KCNK10: variants seen among roughly 807,000 people sequenced by gnomAD.
KCNK10 encodes potassium two pore domain channel subfamily K member 10.
KCNK10 carries 25 observed loss-of-function variants against 47.7 expected under a neutral mutation model. That is an observed-to-expected ratio of 0.52 (90% CI 0.38 to 0.73). The LOEUF is 0.73. Ranked by LOEUF, KCNK10 falls within the 30% of genes least tolerant of loss-of-function variation. The pLI is 0.00. For missense variants in KCNK10, 563 were observed against 714.5 expected, an observed-to-expected ratio of 0.79 and a Z score of 2.42; for synonymous variants, 303 against 285.6, an observed-to-expected ratio of 1.06 and a Z score of -0.61.
chr14:88,247,554 C>T (rs1886680299), intron 2 of KCNK10, among the ~76,000 whole-genome samples: 1 of 152,194 alleles, frequency 6.6e-6, no homozygotes, highest in Admixed American at 6.5e-5. Flanking sequence ...AGCCAGGCAG[C>T]AAGTTTTCAT....
At chr14:88,225,076 G>T (rs955595478) in intron 4 of KCNK10, among the ~76,000 whole-genome samples, 2 of 152,176 alleles carry the variant, frequency 1.3e-5, no homozygotes, top group Non-Finnish European at 2.9e-5. Context: ...AGCTTTGTTA[G>T]CTTATACAAT....
chr14:88,270,681 C>T (rs2139762411), intron 1 of KCNK10: 1 of 780,686 alleles, frequency 1.3e-6, no homozygotes, highest in South Asian at 1.3e-5. Flanking sequence ...TGCCTGCCAC[C>T]TCATCTCACA....
intron 5 of KCNK10, among the ~76,000 whole-genome samples, chr14:88,191,281 A>AC (rs996160842): frequency 1.1e-3 from 160 of 151,346 alleles, no homozygotes; most frequent in Admixed American, 1.8e-3. Context: ...AAAAACAAAA[A>AC]AAAACAGTCT....
At chr14:88,307,203 T>C (rs563263505) in intron 1 of KCNK10, among the ~76,000 whole-genome samples, 83 of 152,210 alleles carry the variant, frequency 5.5e-4, no homozygotes, top group Non-Finnish European at 9.6e-4. Context: ...CAGCCTCAGT[T>C]TCCTCATCTT....
At chr14:88,297,131 T>C (rs1888002045) in intron 1 of KCNK10, among the ~76,000 whole-genome samples, 1 of 152,168 alleles carries the variant, frequency 6.6e-6, no homozygotes, top group Admixed American at 6.5e-5. Flanking sequence ...GCCTGGTAGG[T>C]AGTAAATAAA....
intron 1 of KCNK10, among the ~76,000 whole-genome samples, chr14:88,268,475 C>T (rs973049044): frequency 2.0e-5 from 3 of 152,126 alleles, no homozygotes; most frequent in Non-Finnish European, 2.9e-5. Context: ...CAAGGTTAAG[C>T]GGCCCAAAAG....
intron 2 of KCNK10, among the ~76,000 whole-genome samples, chr14:88,252,887 T>C (rs1050972646): frequency 1.2e-4 from 19 of 152,186 alleles, no homozygotes; most frequent in Admixed American, 4.6e-4. Context: ...CAAAGGAGCC[T>C]GCTCATCATG....
intron 3 of KCNK10, among the ~76,000 whole-genome samples, chr14:88,232,411 A>C (rs1036597761): frequency 2.6e-5 from 4 of 152,222 alleles, no homozygotes; most frequent in African/African-American, 7.2e-5. Context: ...GAAGAACTGG[A>C]AGAATTGCTG....
intron 2 of KCNK10, among the ~76,000 whole-genome samples, chr14:88,255,723 T>C (rs569153095): frequency 1.3e-5 from 2 of 151,422 alleles, no homozygotes; most frequent in African/African-American, 2.4e-5. Flanking sequence ...TCTGAGGGGA[T>C]TGGACCAACC....
chr14:88,262,795 T>C (rs1385072889), intron 2 of KCNK10, among the ~76,000 whole-genome samples: 1 of 152,200 alleles, frequency 6.6e-6, no homozygotes, highest in Admixed American at 6.5e-5. Context: ...CTCATCCTCA[T>C]GGACCTTGGA....
chr14:88,281,187 G>A (rs1200352907), intron 1 of KCNK10, among the ~76,000 whole-genome samples: 4 of 152,152 alleles, frequency 2.6e-5, no homozygotes, highest in Non-Finnish European at 5.9e-5. Context: ...TGCCTGGAAG[G>A]CCTGTCCCCC....
At chr14:88,325,288 A>G (rs749262093), upstream of KCNK10, among the ~76,000 whole-genome samples, 2 of 152,158 alleles carry the variant, frequency 1.3e-5, no homozygotes, top group Non-Finnish European at 2.9e-5. Flanking sequence ...CTGCAATACA[A>G]TGTTTTTTAC....
At chr14:88,262,423 C>T (rs551382302) in intron 2 of KCNK10, among the ~76,000 whole-genome samples, 1 of 152,270 alleles carries the variant, frequency 6.6e-6, no homozygotes, top group South Asian at 2.1e-4. Context: ...CTTCACAACC[C>T]TCCTGATCCA....
At chr14:88,213,626 G>A (rs1406155476) in intron 4 of KCNK10, among the ~76,000 whole-genome samples, 1 of 151,892 alleles carries the variant, frequency 6.6e-6, no homozygotes, top group Non-Finnish European at 1.5e-5. Flanking sequence ...TGAAACCCCT[G>A]GGATTCTAAG....
chr14:88,268,091 C>T (rs924537474), intron 1 of KCNK10, among the ~76,000 whole-genome samples: 1 of 152,124 alleles, frequency 6.6e-6, no homozygotes, highest in African/African-American at 2.4e-5. Flanking sequence ...CTAGAACAGC[C>T]ACTAGACTCT....
intron 2 of KCNK10, among the ~76,000 whole-genome samples, chr14:88,252,201 CA>C (rs1886820145): frequency 6.6e-6 from 1 of 151,976 alleles, no homozygotes; most frequent in East Asian, 1.9e-4. Flanking sequence ...AGACATGAGC[CA>C]CCACGCCCAG....
At chr14:88,250,910 A>G (rs544819843) in intron 2 of KCNK10, among the ~76,000 whole-genome samples, 125 of 152,274 alleles carry the variant, frequency 8.2e-4, no homozygotes, top group Non-Finnish European at 8.7e-4. Flanking sequence ...TCCTTCTGTG[A>G]AAGTTCTAAA....
chr14:88,262,371 T>C (rs1245938638), intron 2 of KCNK10, among the ~76,000 whole-genome samples: 1 of 152,186 alleles, frequency 6.6e-6, no homozygotes, highest in Non-Finnish European at 1.5e-5. Context: ...ACCATTTCCC[T>C]TTCTTCCTCG....
chr14:88,249,389 T>G (rs10483994), intron 2 of KCNK10, among the ~76,000 whole-genome samples: 6,798 of 152,252 alleles, frequency 0.045, 192 homozygotes, highest in East Asian at 0.059. Flanking sequence ...CACAAAGCCC[T>G]GCCACTCTAA....
Sources: allele counts gnomAD v4.1 joint callset (sites outside exome capture counted in the v4.1 genomes callset), GRCh38; gene constraint gnomAD v4.1.1; transcripts MANE v1.5; gene names NCBI Gene and HGNC (gene_info 2026-07-23, HGNC 2026-07-21).